LIPM: variants seen among roughly 807,000 people sequenced by gnomAD.
LIPM encodes lipase member M.
A neutral mutation model predicts 42.4 loss-of-function variants in LIPM; 42 were observed. That is an observed-to-expected ratio of 0.99 (90% confidence interval 0.77 to 1.28). LIPM has a LOEUF of 1.28. Among genes scored for constraint, LIPM ranks in the 50% most tolerant of loss-of-function variants. The pLI is 0.00. For synonymous variants in LIPM, 177 were observed against 173.3 expected (o/e 1.02, Z -0.17); for missense variants, 524 against 520.1 (o/e 1.01, Z -0.07).
intron 1 of LIPM, among the ~76,000 whole-genome samples, chr10:88,805,530 C>T (rs565507203): frequency 6.6e-6 from 1 of 152,218 alleles, no homozygotes; most frequent in Non-Finnish European, 1.5e-5. Context: ...GCAATAGTCA[C>T]CAATGTACTC....
At chr10:88,809,832 G>A (rs561636251) in intron 2 of LIPM, among the ~76,000 whole-genome samples, 4 of 152,054 alleles carry the variant, frequency 2.6e-5, no homozygotes, top group East Asian at 1.9e-4. Context: ...CATGTCTAGC[G>A]TGCACCTGCC....
At position 88,802,910 on chromosome 10, in the gene LIPM, T is replaced by C; in HGVS notation, c.14T>C (p.Leu5Ser). The C allele has an allele frequency of 6.5e-7, 1 of 1,548,592 alleles. No homozygotes were observed. The highest frequency in any genetic ancestry group is 1.2e-5 in the South Asian group (1 of 83,346). MLET[L>S]SRQWIVSHRM... The stretch of plus-strand genomic sequence containing the variant: ...AGATGTTGGACCATGTTGGAAACCT[T>C]GTCAAGACAGTGGATTGTCTCACAC... Residue 5 changes from leucine to serine, a missense_variant, in exon 1 of 9, where the codon TTG (leucine) becomes TCG (serine). Coordinates refer to ENST00000404743, the MANE Select transcript of LIPM (RefSeq NM_001128215.1).
chr10:88,806,217 G>A (rs1843584979), intron 1 of LIPM, among the ~76,000 whole-genome samples: 1 of 152,208 alleles, frequency 6.6e-6, no homozygotes, highest in Non-Finnish European at 1.5e-5. Context: ...TGCAGCATTT[G>A]TAGTTCTTTT....
chr10:88,816,769 C>T (rs1260829587), intron 6 of LIPM, 47 bp from the exon 7 acceptor site: 1 of 1,301,054 alleles, frequency 7.7e-7, no homozygotes, highest in African/African-American at 1.5e-5. Flanking sequence ...GGGTATACAT[C>T]TTGTGAGTTT....
At chr10:88,813,544 A>G (rs1843680032) in intron 3 of LIPM, among the ~76,000 whole-genome samples, 1 of 151,796 alleles carries the variant, frequency 6.6e-6, no homozygotes, top group African/African-American at 2.4e-5. Context: ...GGTGACTAAG[A>G]TTGGAATGAG....
intron 7 of LIPM, 81 bp from the exon 8 acceptor site, chr10:88,817,744 C>G (rs1461222954): frequency 5.0e-5 from 46 of 911,512 alleles, no homozygotes; most frequent in Non-Finnish European, 8.1e-5. Context: ...TGAGTGCACA[C>G]TGGGTAGCAC....
intron 8 of LIPM, 41 bp downstream of exon 8, chr10:88,817,937 G>A: frequency 7.3e-7 from 1 of 1,361,334 alleles, no homozygotes; most frequent in Non-Finnish European, 1.0e-6. Context: ...TATATACATT[G>A]GAAATGTATG....
At position 88,815,191 on chromosome 10, in the gene LIPM, C is replaced by T. The variant is rs1306910603; in HGVS notation, c.678C>T (p.Thr226=). The change falls in exon 5 of 9, where the codon ACC becomes ACT. Residue 226 remains threonine (T), a synonymous_variant. Transcript: ENST00000404743. ...ATVKHAKSPG[T]KFLLLPDMMI... ...TTAAGCATGCAAAAAGCCCCGGGAC[C>T]AAATTTTTGTTGCTGCCAGATATGA... 6.4e-7 allele frequency: 1 copy of T among 1,551,920 alleles called. No homozygotes were observed. Among genetic ancestry groups the T allele is most frequent in the Non-Finnish European group, 8.7e-7 (1 of 1,147,026 alleles).
intron 7 of LIPM, 120 bp downstream of exon 7, chr10:88,817,007 A>G (rs1307603674): frequency 1.3e-6 from 1 of 752,874 alleles, no homozygotes. Context: ...GATGAAATGC[A>G]GTATCGTCGA....
chr10:88,808,356 A>T lies in LIPM; in HGVS notation c.206A>T (p.Asp69Val), dbSNP rs747467441. Residue 69 changes from aspartate to valine, a missense_variant, in exon 2 of 9, where the codon GAT (aspartate) becomes GTT (valine). By Grantham distance (152) the Asp-to-Val change is radical. Transcript: ENST00000404743. The part of the protein sequence containing the change: ...PCEEYEVATE[D>V]GYILSVNRIP... ...GAGGAATATGAAGTCGCAACTGAAG[A>T]TGGGTATATCCTTTCTGTTAACAGG... The T allele has an allele frequency of 3.9e-6, 6 of 1,551,650 alleles. No individual in the cohort carries two copies. The highest frequency in any genetic ancestry group is 1.4e-5 in the African/African-American group (1 of 73,150).
At chr10:88,814,213 T>G (rs760025585) in intron 3 of LIPM, among the ~76,000 whole-genome samples, 2 of 152,354 alleles carry the variant, frequency 1.3e-5, no homozygotes, top group East Asian at 3.9e-4. Flanking sequence ...TGCAGAGCCC[T>G]GTGCGGTTCT....
In LIPM at chr10:88,808,422, G is replaced by GT; in HGVS notation, c.265+8dup. The GT allele has an allele frequency of 7.2e-7, 1 of 1,396,398 alleles. No individual in the cohort carries two copies. The highest frequency in any genetic ancestry group is 1.2e-5 in the South Asian group (1 of 80,994). The allele number at this position is 1,396,398 out of a possible 1,614,324, so 86.5% of individuals were successfully genotyped here. A position where few individuals can be genotyped will look rare whatever the true frequency, so the allele number is the denominator to read the frequency against. ...GTGCAACCTAAGAAGACAGGTGTGG[G>GT]TCACCCCATGTCACCGCAACACAGC... On this transcript the variant is annotated splice_region_variant and intron_variant, in intron 2 of 8. Transcript: ENST00000404743.
At position 88,806,141 on chromosome 10, in the gene LIPM, A is replaced by T. The variant is rs1450763656; in HGVS notation, c.148-2157A>T. On this transcript the variant is annotated intron_variant, in intron 1 of 8. Coordinates refer to ENST00000404743, the MANE Select transcript of LIPM (RefSeq NM_001128215.1). ...TTCCAGTGGATGGGACCAGTCCTTT[A>T]TTGCCTGCATAAATTTTCCTGCCAA... 76 of 354,696 alleles carry T rather than the reference A, an allele frequency of 2.1e-4. No individual in the cohort carries two copies. In the East Asian group the frequency reaches 6.3e-3, roughly 29 times the overall value. 22.0% of individuals were successfully genotyped at this position (354,696 alleles called of 1,614,324 possible).
intron 1 of LIPM, among the ~76,000 whole-genome samples, chr10:88,805,733 C>G (rs1843578409): frequency 6.6e-6 from 1 of 152,150 alleles, no homozygotes; most frequent in African/African-American, 2.4e-5. Flanking sequence ...GCATTATGTT[C>G]CATTTTTTTA....
intron 2 of LIPM, among the ~76,000 whole-genome samples, chr10:88,811,282 T>G (rs1843653281): frequency 6.6e-6 from 1 of 152,230 alleles, no homozygotes; most frequent in Non-Finnish European, 1.5e-5. Flanking sequence ...GGTGGGCAAT[T>G]GTCCTCATTT....
chr10:88,818,430 T>G (rs1263567765), intron 8 of LIPM, among the ~76,000 whole-genome samples: 1 of 152,248 alleles, frequency 6.6e-6, no homozygotes, highest in Admixed American at 6.5e-5. Context: ...TTCTCCCTAG[T>G]TATACTTTAA....
chr10:88,811,670 G>T (rs2133055559), intron 2 of LIPM, among the ~76,000 whole-genome samples: 1 of 152,056 alleles, frequency 6.6e-6, no homozygotes, highest in South Asian at 2.1e-4. Flanking sequence ...ATAGTACAAG[G>T]GACTTCCATA....
intron 2 of LIPM, among the ~76,000 whole-genome samples, chr10:88,809,570 CAT>C (rs1843629059): frequency 6.6e-6 from 1 of 152,180 alleles, no homozygotes; most frequent in African/African-American, 2.4e-5. Flanking sequence ...CTGCTACTCA[CAT>C]ATGTTAAGCA....
At position 88,817,763 on chromosome 10, in the gene LIPM, C is replaced by T. The variant is rs1238695228; in HGVS notation, c.931-62C>T. 13 of 1,152,252 alleles carry T rather than the reference C, an allele frequency of 1.1e-5. No individual in the cohort carries two copies. In the East Asian group the frequency reaches 1.5e-4, roughly 14 times the overall value. The allele number at this position is 1,152,252 out of a possible 1,614,324, so 71.4% of individuals were successfully genotyped here. ...TGCACACTGGGTAGCACATTTCCAC[C>T]ACCCCACCACGCTTATCCACTGAGA... On this transcript the variant is annotated intron_variant, in intron 7 of 8. Transcript: ENST00000404743.
Sources: gnomAD v4.1 joint callset for allele counts (sites outside exome capture counted in the v4.1 genomes callset) on GRCh38, gnomAD v4.1.1 for gene constraint, MANE v1.5 for transcripts, NCBI Gene and HGNC (gene_info 2026-07-23, HGNC 2026-07-21) for gene names.